Variants in MPPED1 observed in about 807,000 individuals in gnomAD.
The protein encoded by MPPED1 is metallophosphoesterase domain containing 1, also known as metallophosphoesterase domain-containing protein 1.
Under a neutral mutation model 36.2 loss-of-function variants are expected in MPPED1, and 16 were observed. The ratio of observed to expected loss-of-function variants is 0.44; its 90% CI spans 0.30 to 0.67. The LOEUF (loss-of-function observed/expected upper bound fraction) is 0.67. Among genes scored for constraint, MPPED1 ranks in the 30% least tolerant of loss-of-function variants. The pLI is 0.10. For synonymous variants in MPPED1, 199 were observed against 191.3 expected (o/e 1.04, Z -0.33); for missense variants, 307 against 453.4 (o/e 0.68, Z 2.93).
At chr22:43,459,457 A>G (rs1162254186) in intron 3 of MPPED1, among the ~76,000 whole-genome samples, 1 of 152,188 alleles carries the variant, frequency 6.6e-6, no homozygotes, top group East Asian at 1.9e-4. Context: ...TCTTACGCAC[A>G]CATGAGTGCA....
At position 43,489,342 on chromosome 22, in the gene MPPED1, C is replaced by A. The variant is rs73887324; in HGVS notation, c.633-8893C>A. On this transcript the variant is annotated intron_variant, in intron 4 of 6. Transcript: ENST00000443721. ...CCAGGCCTCATGTGTGGCTCAGAGGCCTCTAGGAGTGAGATCACCCCAAGG... is the reference window on the plus strand; with the variant it reads ...CCAGGCCTCATGTGTGGCTCAGAGGACTCTAGGAGTGAGATCACCCCAAGG... Among the ~76,000 whole-genome samples, 944 of 152,148 alleles carry A rather than the reference C, an allele frequency of 6.2e-3. 13 individuals are homozygous for A. Among genetic ancestry groups the A allele is most frequent in the African/African-American group, 0.022 (894 of 41,514 alleles).
At position 43,474,492 on chromosome 22, in the gene MPPED1, C is replaced by T. The variant is rs141782081; in HGVS notation, c.407-244C>T. 6.9e-4 allele frequency among the ~76,000 whole-genome samples: 105 copies of T among 152,368 alleles called. 1 individual carries two copies. Among genetic ancestry groups the T allele is most frequent in the East Asian group, 1.9e-4 (1 of 5,194 alleles). On this transcript the variant is annotated intron_variant, in intron 3 of 6. Coordinates refer to ENST00000443721, the MANE Select transcript of MPPED1 (RefSeq NM_001044370.2). This position sits in a 1 kb window ranked among gnomAD's most constrained non-coding sequence, Gnocchi z 5.2. ...TTCCAGCAGCTTCCTCCTGCCCGCC[C>T]CTCTCTCAGCCATGCTGTGGCTTCT... is the stretch of plus-strand genomic sequence containing the variant.
At chr22:43,440,241 A>T (rs1017538327) in intron 3 of MPPED1, among the ~76,000 whole-genome samples, 3 of 152,244 alleles carry the variant, frequency 2.0e-5, no homozygotes, top group Non-Finnish European at 4.4e-5. Context: ...GCGCTGTGAC[A>T]CAGACCAGTG....
At chr22:43,495,463 G>A (rs1444975358) in intron 4 of MPPED1, among the ~76,000 whole-genome samples, 2 of 142,940 alleles carry the variant, frequency 1.4e-5, no homozygotes, top group East Asian at 2.3e-4. Flanking sequence ...TGGTGGAAGT[G>A]CTGGTGATGG....
intron 3 of MPPED1, among the ~76,000 whole-genome samples, chr22:43,460,540 A>C (rs901450435): frequency 2.0e-5 from 3 of 152,096 alleles, no homozygotes; most frequent in Admixed American, 6.5e-5. Context: ...TGGGAATCAG[A>C]TCCCACCCCC....
At position 43,425,189 on chromosome 22, in the gene MPPED1, C is replaced by G; in HGVS notation, c.204C>G (p.Phe68Leu). ...FTFYNINQGR[F>L]QPPHVQMVDP... ...TCTACAACATCAACCAGGGCCGCTT[C>G]CAGCCACCGCATGTGCAGATGTAAG... is the stretch of plus-strand genomic sequence containing the variant. The change falls in exon 2 of 7, where the codon TTC becomes TTG. Residue 68 changes from phenylalanine to leucine, a missense_variant. Transcript: ENST00000443721. 1 of 1,606,246 alleles carries G rather than the reference C, an allele frequency of 6.2e-7. No individual in the cohort carries two copies. Among genetic ancestry groups the G allele is most frequent in the Non-Finnish European group, 8.5e-7 (1 of 1,173,720 alleles).
intron 3 of MPPED1, among the ~76,000 whole-genome samples, chr22:43,447,734 C>G (rs1930394262): frequency 6.6e-6 from 1 of 150,452 alleles, no homozygotes; most frequent in South Asian, 2.1e-4. Context: ...TGACATTCTG[C>G]ATTTCTAATG....
chr22:43,426,369 C>A (rs918475657), intron 2 of MPPED1, among the ~76,000 whole-genome samples: 4 of 152,154 alleles, frequency 2.6e-5, no homozygotes, highest in African/African-American at 9.7e-5. Flanking sequence ...CCCTGCAGAG[C>A]AGGGAGGTGA....
chr22:43,426,949 G>A (rs1033710551), intron 2 of MPPED1, among the ~76,000 whole-genome samples: 1 of 152,266 alleles, frequency 6.6e-6, no homozygotes, highest in Admixed American at 6.5e-5. Context: ...TTGAGGCCTG[G>A]GAGGGGCTGC....
intron 3 of MPPED1, among the ~76,000 whole-genome samples, chr22:43,448,304 G>A (rs1243451766): frequency 6.6e-6 from 1 of 152,202 alleles, no homozygotes; most frequent in African/African-American, 2.4e-5. Context: ...CCCCATGTGG[G>A]TATGGAGCAC....
At chr22:43,439,807 C>T (rs1225633556) in intron 3 of MPPED1, among the ~76,000 whole-genome samples, 1 of 152,222 alleles carries the variant, frequency 6.6e-6, no homozygotes, top group East Asian at 1.9e-4. Context: ...TTCCCTCCAG[C>T]CACACCGTCC....
At position 43,500,024 on chromosome 22, in the gene MPPED1, G is replaced by A. The variant is rs1252382685; in HGVS notation, c.748+1674G>A. ...TGGCGGTGGTGATGGTGGAGGTGGT[G>A]GTGGTGGTGAGGGAGGTGGTGATGG... is the stretch of plus-strand genomic sequence containing the variant. On this transcript the variant is annotated intron_variant, in intron 5 of 6. Transcript: ENST00000443721. Among the ~76,000 whole-genome samples, 17 of 109,252 alleles carry A rather than the reference G, an allele frequency of 1.6e-4. 1 individual carries two copies. The highest frequency in any genetic ancestry group is 2.8e-4 in the African/African-American group (6 of 21,666). 71.7% of individuals were successfully genotyped at this position (109,252 alleles called of 152,430 possible).
At chr22:43,419,938 G>C (rs183326160) in intron 1 of MPPED1, among the ~76,000 whole-genome samples, 3 of 152,222 alleles carry the variant, frequency 2.0e-5, no homozygotes, top group Non-Finnish European at 4.4e-5. Flanking sequence ...GTCTCTGAGA[G>C]GAAAACGGAA....
At chr22:43,500,446 TGACGGA>T (rs1932698117) in intron 5 of MPPED1, among the ~76,000 whole-genome samples, 1 of 134,526 alleles carries the variant, frequency 7.4e-6, no homozygotes, top group Admixed American at 7.3e-5. Flanking sequence ...GTGGAGGTGG[TGACGGA>T]GGTGGTGGAG....
chr22:43,458,055 G>A (rs1023954228), intron 3 of MPPED1, among the ~76,000 whole-genome samples: 1 of 152,106 alleles, frequency 6.6e-6, no homozygotes, highest in Non-Finnish European at 1.5e-5. Context: ...TGCTGTACAG[G>A]TTTGTAGCCT....
intron 3 of MPPED1, among the ~76,000 whole-genome samples, chr22:43,456,284 A>G (rs1569075903): frequency 6.6e-6 from 1 of 152,136 alleles, no homozygotes; most frequent in Non-Finnish European, 1.5e-5. Context: ...GGGATTTGTA[A>G]TATGTATGTA....
At chr22:43,489,593 A>G (rs1453169474) in intron 4 of MPPED1, among the ~76,000 whole-genome samples, 1 of 151,478 alleles carries the variant, frequency 6.6e-6, no homozygotes, top group East Asian at 1.9e-4. Flanking sequence ...ATCTCAGCTC[A>G]CTGCAACCTC....
chr22:43,417,051 A>G (rs941726894), intron 1 of MPPED1: 2 of 980,778 alleles, frequency 2.0e-6, no homozygotes, highest in African/African-American at 3.5e-5. Flanking sequence ...ATAAAAGTAC[A>G]TAATTGGAAA....
At chr22:43,467,803 G>A (rs779840023) in intron 3 of MPPED1, among the ~76,000 whole-genome samples, 1 of 152,100 alleles carries the variant, frequency 6.6e-6, no homozygotes, top group Non-Finnish European at 1.5e-5. Context: ...TTTAGAGAAC[G>A]CTAAAACTCC....
Sources: allele counts gnomAD v4.1 joint callset (sites outside exome capture counted in the v4.1 genomes callset), GRCh38; gene constraint gnomAD v4.1.1; non-coding constraint Gnocchi (gnomAD v3.1); transcripts MANE v1.5; gene names NCBI Gene and HGNC (gene_info 2026-07-23, HGNC 2026-07-21).